EML1: variants seen among roughly 807,000 people sequenced by gnomAD.
The protein encoded by EML1 is EMAP like 1, also known as echinoderm microtubule-associated protein-like 1.
EML1 carries 27 observed loss-of-function variants against 110.4 expected under a neutral mutation model. That is an observed-to-expected ratio of 0.24 (90% confidence interval 0.18 to 0.34). EML1 has a LOEUF of 0.34. Ranked by LOEUF, EML1 falls within the 10% of genes least tolerant of loss-of-function variation. EML1 has a pLI of 1.00. For missense variants in EML1, 741 were observed against 1,030.9 expected, an observed-to-expected ratio of 0.72 and a Z score of 3.85; for synonymous variants, 344 against 385.8, an observed-to-expected ratio of 0.89 and a Z score of 1.27.
Position 99,750,780 on chromosome 14 carries a change from A to G in EML1, c.28+12920A>G, listed in dbSNP as rs1479498273. On this transcript the variant is annotated intron_variant, in intron 1 of 10. Coordinates refer to the EML1 transcript ENST00000554479. ...GGTGGAGTCCAGCTTGATTTTGTTC[A>G]TAGTCACCTCCACCACCCCGAGTCT... 2.0e-5 allele frequency among the ~76,000 whole-genome samples: 3 copies of G among 151,998 alleles called. No homozygotes were observed. The East Asian group carries it at 5.8e-4, about 29-fold the overall frequency.
At chr14:99,875,377 A>G (rs950293336) in intron 3 of EML1, among the ~76,000 whole-genome samples, 2 of 152,210 alleles carry the variant, frequency 1.3e-5, no homozygotes, top group African/African-American at 4.8e-5. Flanking sequence ...AATACAGTAT[A>G]TGTAAAAGTC....
At chr14:99,912,505 T>G (rs1472805257) in intron 13 of EML1, among the ~76,000 whole-genome samples, 1 of 152,176 alleles carries the variant, frequency 6.6e-6, no homozygotes, top group Admixed American at 6.5e-5. Flanking sequence ...TAGCTTAGAA[T>G]GGACAGACTT....
intron 17 of EML1, among the ~76,000 whole-genome samples, chr14:99,929,075 G>T (rs1413529789): frequency 6.6e-6 from 1 of 152,180 alleles, no homozygotes; most frequent in Non-Finnish European, 1.5e-5. Flanking sequence ...ACTTGAGCAG[G>T]TCCATTGGGA....
chr14:99,897,122 A>T (rs1379205130), intron 6 of EML1, 23 bp from the exon 7 acceptor site: 47 of 1,505,964 alleles, frequency 3.1e-5, no homozygotes, highest in Non-Finnish European at 4.1e-5. Flanking sequence ...GGGAAAAAAA[A>T]TTTTATCTTG....
At chr14:99,876,211 G>A (rs1213781816) in intron 3 of EML1, among the ~76,000 whole-genome samples, 2 of 152,130 alleles carry the variant, frequency 1.3e-5, no homozygotes, top group Non-Finnish European at 2.9e-5. Flanking sequence ...CCCCAGGCAG[G>A]AGCTGCCTGG....
intron 1 of EML1, among the ~76,000 whole-genome samples, chr14:99,819,307 GC>G (rs1158970869): frequency 6.6e-6 from 1 of 152,092 alleles, no homozygotes; most frequent in Non-Finnish European, 1.5e-5. Context: ...TGAGAATACA[GC>G]CTATATAATA....
chr14:99,894,977 A>G (rs1304894608), intron 6 of EML1, among the ~76,000 whole-genome samples: 2 of 152,226 alleles, frequency 1.3e-5, no homozygotes, highest in African/African-American at 2.4e-5. Flanking sequence ...GCTTATTATC[A>G]GGAGAACCAA....
chr14:99,939,657 C>T lies in EML1; in HGVS notation c.2322+330C>T, dbSNP rs543132984. ...GACGCCCTTCTTCATCCTCCGTGAT[C>T]CTGACCCTGGAGACCCCTCACCCTC... On this transcript the variant is annotated intron_variant, in intron 21 of 21. Coordinates refer to ENST00000262233, the MANE Select transcript of EML1 (RefSeq NM_004434.3). This position sits in a 1 kb window ranked among gnomAD's most constrained non-coding sequence, Gnocchi z 4.2. Among the ~76,000 whole-genome samples, 84 of 152,326 alleles carry T rather than the reference C, an allele frequency of 5.5e-4. 3 individuals are homozygous for T. The South Asian group carries it at 0.017, about 31-fold the overall frequency.
intron 1 of EML1, among the ~76,000 whole-genome samples, chr14:99,743,681 C>T (rs2057071058): frequency 6.6e-6 from 1 of 152,172 alleles, no homozygotes; most frequent in Admixed American, 6.5e-5. Context: ...AACCTCCAGG[C>T]AGCAAATGAA....
intron 1 of EML1, among the ~76,000 whole-genome samples, chr14:99,839,681 A>G (rs1177223032): frequency 6.6e-6 from 1 of 152,216 alleles, no homozygotes; most frequent in African/African-American, 2.4e-5. Flanking sequence ...AAATTTTTAT[A>G]TCAGGCAAAG....
intron 1 of EML1, among the ~76,000 whole-genome samples, chr14:99,764,929 T>C (rs75900607): frequency 0.013 from 1,964 of 150,122 alleles, 15 homozygotes; most frequent in Middle Eastern, 0.024. Context: ...TTTGTTGTTG[T>C]TGGTGTTGTT....
chr14:99,807,840 G>T (rs1049953061), intron 1 of EML1, among the ~76,000 whole-genome samples: 1 of 152,170 alleles, frequency 6.6e-6, no homozygotes, highest in African/African-American at 2.4e-5. Flanking sequence ...TGTCTTGATG[G>T]TTACAGCTGG....
rs547964227 is a variant in EML1 at position 99,804,845 on chromosome 14, TC to T, written c.67+11307del. Among the ~76,000 whole-genome samples, 284 of 152,214 alleles carry T rather than the reference TC, an allele frequency of 1.9e-3. 4 individuals are homozygous for T. The highest frequency in any genetic ancestry group is 0.017 in the Admixed American group (255 of 15,282). On this transcript the variant is annotated intron_variant, in intron 1 of 21. Transcript: ENST00000262233. ...TCATTTATCTCTGAATTGCCCAGCA[TC>T]CCCCGGAAGTTCCCCATGACTCTTG...
chr14:99,799,558 A>C (rs2057836462), intron 1 of EML1, among the ~76,000 whole-genome samples: 1 of 152,250 alleles, frequency 6.6e-6, no homozygotes, highest in South Asian at 2.1e-4. Flanking sequence ...GTGCAAAGCA[A>C]AAGCACCCAC....
chr14:99,750,800 G>A (rs925531529), intron 1 of EML1, among the ~76,000 whole-genome samples: 2 of 152,042 alleles, frequency 1.3e-5, no homozygotes, highest in African/African-American at 4.8e-5. Flanking sequence ...CCACCACCCC[G>A]AGTCTAACCC....
At chr14:99,881,827 T>C (rs1364854603) in intron 4 of EML1, among the ~76,000 whole-genome samples, 2 of 152,048 alleles carry the variant, frequency 1.3e-5, no homozygotes, top group African/African-American at 4.8e-5. Flanking sequence ...TCTCGATCTC[T>C]TGACCTTGTG....
chr14:99,899,902 C>G (rs1234187119), intron 8 of EML1, among the ~76,000 whole-genome samples: 1 of 151,988 alleles, frequency 6.6e-6, no homozygotes, highest in Non-Finnish European at 1.5e-5. Context: ...TCCAGAGAGG[C>G]CTAGTGAATG....
At chr14:99,920,709 A>T in intron 16 of EML1, 80 bp from the exon 17 acceptor site, 1 of 1,123,040 alleles carries the variant, frequency 8.9e-7, no homozygotes, top group Non-Finnish European at 1.3e-6. Flanking sequence ...ATGATTAACA[A>T]TTTTTATTCA....
upstream of EML1, among the ~76,000 whole-genome samples, chr14:99,772,383 A>G (rs1326236167): frequency 6.6e-6 from 1 of 152,134 alleles, no homozygotes; most frequent in East Asian, 1.9e-4. Flanking sequence ...ATTCTCTAAT[A>G]ACCGTGGTTG....
Sources: allele counts gnomAD v4.1 joint callset (sites outside exome capture counted in the v4.1 genomes callset), GRCh38; gene constraint gnomAD v4.1.1; non-coding constraint Gnocchi (gnomAD v3.1); transcripts MANE v1.5; gene names NCBI Gene and HGNC (gene_info 2026-07-23, HGNC 2026-07-21).